The following SLC31A1 variants were observed in gnomAD, a reference collection of about 807,000 sequenced individuals.
SLC31A1 encodes high affinity copper uptake protein 1.
In SLC31A1, 5 loss-of-function variants were observed where a neutral mutation model predicts 17.2. The observed-to-expected ratio is 0.29, with a 90% CI of 0.15 to 0.61. The LOEUF (loss-of-function observed/expected upper bound fraction) is 0.61. SLC31A1 is among the 20% of genes least tolerant of loss of function. The pLI is 0.86. For missense variants in SLC31A1, 161 were observed against 241.4 expected (o/e 0.67, Z 2.21); for synonymous variants, 76 against 78.8 (o/e 0.96, Z 0.19).
chr9:113,256,502 C>G (rs1831730154), intron 2 of SLC31A1: 1 of 438,846 alleles, frequency 2.3e-6, no homozygotes. Flanking sequence ...TTGGTGGTCC[C>G]TTCTGAAATC....
chr9:113,244,741 A>T (rs138121996), intron 1 of SLC31A1, among the ~76,000 whole-genome samples: 134 of 152,264 alleles, frequency 8.8e-4, no homozygotes, highest in African/African-American at 3.0e-3. Context: ...AAAATCTAAG[A>T]TTTGTATGTG....
intron 1 of SLC31A1, among the ~76,000 whole-genome samples, chr9:113,231,709 G>A (rs940674134): frequency 1.3e-5 from 2 of 152,204 alleles, no homozygotes; most frequent in Non-Finnish European, 2.9e-5. Context: ...CATTTTATGT[G>A]TATGAAATCA....
chr9:113,248,957 A>G (rs1293894341), intron 1 of SLC31A1, among the ~76,000 whole-genome samples: 1 of 152,154 alleles, frequency 6.6e-6, no homozygotes, highest in East Asian at 1.9e-4. Flanking sequence ...CTAATATTCC[A>G]CATAATGATA....
At chr9:113,231,167 C>T (rs1197137328) in intron 1 of SLC31A1, among the ~76,000 whole-genome samples, 1 of 152,158 alleles carries the variant, frequency 6.6e-6, no homozygotes, top group Non-Finnish European at 1.5e-5. Context: ...GGACAAGAGA[C>T]CAAGTAAATT....
chr9:113,243,216 C>T (rs918836901), intron 1 of SLC31A1, among the ~76,000 whole-genome samples: 4 of 152,110 alleles, frequency 2.6e-5, no homozygotes, highest in South Asian at 4.1e-4. Context: ...TGTCCTCTCT[C>T]ACATTTAAAC....
At chr9:113,234,323 C>T (rs1831431920) in intron 1 of SLC31A1, among the ~76,000 whole-genome samples, 1 of 151,666 alleles carries the variant, frequency 6.6e-6, no homozygotes, top group African/African-American at 2.4e-5. Flanking sequence ...ATTATAGGCA[C>T]CTACCGCTAC....
chr9:113,257,783 C>T lies in SLC31A1; in HGVS notation c.202+598C>T, dbSNP rs184100053. Reference sequence around the variant, plus strand: ...GATTACAGGCATGAGCCACCATGCCCGGCCTCAGAGTGTTTACTTATTTGA... The same window carrying T: ...GATTACAGGCATGAGCCACCATGCCTGGCCTCAGAGTGTTTACTTATTTGA... On this transcript the variant is annotated intron_variant, in intron 3 of 4. Transcript: ENST00000374212. Among the ~76,000 whole-genome samples, 758 of 152,162 alleles carry T rather than the reference C, an allele frequency of 5.0e-3. 13 individuals carry two copies. The South Asian group carries it at 0.06, about 12-fold the overall frequency.
chr9:113,254,840 A>C (rs1473564220), intron 1 of SLC31A1, among the ~76,000 whole-genome samples: 1 of 151,776 alleles, frequency 6.6e-6, no homozygotes, highest in Admixed American at 6.6e-5. Flanking sequence ...CAGAGGTTGC[A>C]GTGAGCCGAG....
rs766586056 is a variant in SLC31A1, at chr9:113,258,668, C to A, written c.203-26C>A. On this transcript the variant is annotated intron_variant, in intron 3 of 4. Transcript: ENST00000374212. The surrounding 1 kb of genome is among the most constrained non-coding windows in gnomAD (Gnocchi z 4.8). ...ATGATTTTGCACATGTTTGACAGTA[C>A]CTCCATATTTTCCTTCCATACTTAG... The A allele has an allele frequency of 3.8e-5, 61 of 1,612,946 alleles. No homozygotes were observed. The highest frequency in any genetic ancestry group is 4.8e-5 in the Non-Finnish European group (57 of 1,179,468).
rs565869941 is a variant in SLC31A1 at position 113,258,154 on chromosome 9, A to G, written c.203-540A>G. Among the ~76,000 whole-genome samples the G allele has an allele frequency of 6.6e-4, 101 of 152,324 alleles. No homozygotes were observed. Among genetic ancestry groups the G allele is most frequent in the South Asian group, 3.9e-3 (19 of 4,832 alleles). On this transcript the variant is annotated intron_variant, in intron 3 of 4. Transcript: ENST00000374212. This position sits in a 1 kb window ranked among gnomAD's most constrained non-coding sequence, Gnocchi z 4.8. Reference sequence around the variant, plus strand: ...TTTAAATTTAACTTGCGCAAACTCAATAGTCAGTTGGACTGCCTTAGGTAC... The same window carrying G: ...TTTAAATTTAACTTGCGCAAACTCAGTAGTCAGTTGGACTGCCTTAGGTAC...
intron 1 of SLC31A1, among the ~76,000 whole-genome samples, chr9:113,246,662 TTTTTA>T (rs1165331404): frequency 4.8e-5 from 7 of 146,638 alleles, no homozygotes; most frequent in Admixed American, 3.4e-4. Flanking sequence ...ATAATTTTTA[TTTTTA>T]TTTTATTTTA....
At chr9:113,242,373 A>C (rs1831531445) in intron 1 of SLC31A1, among the ~76,000 whole-genome samples, 2 of 152,332 alleles carry the variant, frequency 1.3e-5, no homozygotes, top group East Asian at 3.9e-4. Context: ...TACAAAGTAC[A>C]TACAGGCAGA....
chr9:113,246,118 A>C (rs1587992802), intron 1 of SLC31A1, among the ~76,000 whole-genome samples: 1 of 150,072 alleles, frequency 6.7e-6, no homozygotes, highest in African/African-American at 2.5e-5. Flanking sequence ...TGGTGCAATC[A>C]CCACTCACTG....
At chr9:113,257,277 A>T in intron 3 of SLC31A1, 92 bp downstream of exon 3, 1 of 1,056,688 alleles carries the variant, frequency 9.5e-7, no homozygotes, top group Non-Finnish European at 1.5e-6. Context: ...TTCTGTCCTA[A>T]TTACTAAGTC....
At chr9:113,256,572 C>T (rs1389721880) in intron 2 of SLC31A1, 1 of 304,334 alleles carries the variant, frequency 3.3e-6, no homozygotes. Flanking sequence ...GAGAAAAAGA[C>T]AAAAGTTGGC....
chr9:113,232,465 T>G (rs1315829512), intron 1 of SLC31A1, among the ~76,000 whole-genome samples: 1 of 151,992 alleles, frequency 6.6e-6, no homozygotes, highest in African/African-American at 2.4e-5. Flanking sequence ...TCAACATAGA[T>G]AAAGGCCATC....
chr9:113,260,256 CCT>C lies in SLC31A1; in HGVS notation c.372-15_372-14del. 1.9e-6 allele frequency: 3 copies of C among 1,610,600 alleles called. No homozygotes were observed. Among genetic ancestry groups the C allele is most frequent in the Non-Finnish European group, 2.5e-6 (3 of 1,176,976 alleles). ...CCTAGGAGTCCCTGATTGTTGTGTC[CCT>C]GTTTACTCTCCAGGCAACAGATGCT... On this transcript the variant is annotated splice_polypyrimidine_tract_variant and intron_variant, in intron 4 of 4. Coordinates refer to ENST00000374212, the MANE Select transcript of SLC31A1 (RefSeq NM_001859.4).
At chr9:113,249,430 G>A (rs1037570053) in intron 1 of SLC31A1, among the ~76,000 whole-genome samples, 27 of 151,604 alleles carry the variant, frequency 1.8e-4, no homozygotes, top group South Asian at 4.2e-4. Context: ...GCAATGGCAG[G>A]ACCTTCCCTC....
chr9:113,251,935 A>G (rs1831658533), intron 1 of SLC31A1, among the ~76,000 whole-genome samples: 1 of 152,204 alleles, frequency 6.6e-6, no homozygotes, highest in South Asian at 2.1e-4. Context: ...TAAGCCTTGC[A>G]TAGGATTCCA....
Sources: allele counts gnomAD v4.1 joint callset (sites outside exome capture counted in the v4.1 genomes callset), GRCh38; gene constraint gnomAD v4.1.1; non-coding constraint Gnocchi (gnomAD v3.1); transcripts MANE v1.5; gene names NCBI Gene and HGNC (gene_info 2026-07-23, HGNC 2026-07-21).